ZNF131: variants seen among roughly 807,000 people sequenced by gnomAD.
ZNF131 encodes zinc finger protein 131.
ZNF131 carries 7 observed loss-of-function variants against 60.0 expected under a neutral mutation model. The ratio of observed to expected loss-of-function variants is 0.12; its 90% CI spans 0.07 to 0.22. ZNF131 has a LOEUF of 0.22. ZNF131 is among the 10% of genes least tolerant of loss of function. The pLI is 1.00. For missense variants in ZNF131, 493 were observed against 740.9 expected (o/e 0.67, Z 3.88); for synonymous variants, 257 against 253.2 (o/e 1.01, Z -0.14).
At chr5:43,174,410 A>G (rs778948132) in intron 6 of ZNF131, 37 bp from the exon 7 acceptor site, 8 of 1,478,350 alleles carry the variant, frequency 5.4e-6, no homozygotes, top group African/African-American at 2.8e-5. Flanking sequence ...CAGTTTGGAT[A>G]TAAGTATTGT....
Position 43,155,195 on chromosome 5 carries a change from C to G in ZNF131, c.372-6054C>G, listed in dbSNP as rs928191385. Among the ~76,000 whole-genome samples the G allele has an allele frequency of 2.0e-5, 3 of 152,218 alleles. No homozygotes were observed. In the South Asian group the frequency reaches 6.2e-4, roughly 32 times the overall value. ...TACTTTTTCATGATGGCTGAGGGGG[C>G]CCACTACTTTCTTAAGTATACCATT... On this transcript the variant is annotated intron_variant, in intron 4 of 6. Coordinates refer to ENST00000682664, the MANE Select transcript of ZNF131 (RefSeq NM_001330707.2).
intron 4 of ZNF131, among the ~76,000 whole-genome samples, chr5:43,147,733 TAAA>T (rs1206761067): frequency 1.5e-5 from 2 of 135,412 alleles, no homozygotes; most frequent in African/African-American, 2.7e-5. Flanking sequence ...TTTGGAAGTT[TAAA>T]AAAAAAAAAA....
intron 4 of ZNF131, among the ~76,000 whole-genome samples, chr5:43,159,912 C>T (rs572913927): frequency 2.4e-4 from 37 of 151,846 alleles, no homozygotes; most frequent in South Asian, 1.5e-3. Flanking sequence ...CGGTGGCCCA[C>T]GCCTGTAATC....
intron 3 of ZNF131, among the ~76,000 whole-genome samples, chr5:43,134,308 G>C (rs1745736615): frequency 6.6e-6 from 1 of 152,022 alleles, no homozygotes; most frequent in Non-Finnish European, 1.5e-5. Flanking sequence ...AAAAAGCCTT[G>C]GACAAAATTT....
At position 43,176,086 on chromosome 5, in the gene ZNF131, T is replaced by G. The variant is rs1273050055; in HGVS notation, c.*953T>G. 6.6e-6 allele frequency: 1 copy of G among 152,250 alleles called. No individual in the cohort carries two copies. Among genetic ancestry groups the G allele is most frequent in the African/African-American group, 2.4e-5 (1 of 41,456 alleles). 9.4% of individuals were successfully genotyped at this position (152,250 alleles called of 1,614,324 possible). The stretch of plus-strand genomic sequence containing the variant: ...AAAGACATGTATATAATTATCAGGC[T>G]TTGTTTTGAATGGAATCTTTTCCCC... On this transcript the variant is annotated 3_prime_UTR_variant, in exon 7 of 7. Transcript: ENST00000682664.
At chr5:43,140,858 C>CGT (rs1248345447) in intron 4 of ZNF131, among the ~76,000 whole-genome samples, 1 of 152,134 alleles carries the variant, frequency 6.6e-6, no homozygotes. Flanking sequence ...GCTGGGATTA[C>CGT]AGGTGCCTGC....
chr5:43,149,692 G>A (rs1748062004), intron 4 of ZNF131, among the ~76,000 whole-genome samples: 1 of 152,154 alleles, frequency 6.6e-6, no homozygotes, highest in Non-Finnish European at 1.5e-5. Flanking sequence ...ACAGCCTTGT[G>A]AATACTTGAT....
chr5:43,162,363 A>T (rs1432715449), intron 5 of ZNF131, among the ~76,000 whole-genome samples: 1 of 141,798 alleles, frequency 7.1e-6, no homozygotes. Flanking sequence ...AGGCCGAGGC[A>T]GGCGGATCAC....
At chr5:43,132,345 G>A (rs557076) in intron 3 of ZNF131, among the ~76,000 whole-genome samples, 46,266 of 151,796 alleles carry the variant, frequency 0.3, 7,590 homozygotes, top group East Asian at 0.63. Context: ...GTGTAACTTG[G>A]TCTTTTTATA....
chr5:43,139,937 C>T (rs1344135799), intron 4 of ZNF131, among the ~76,000 whole-genome samples: 1 of 152,120 alleles, frequency 6.6e-6, no homozygotes, highest in Admixed American at 6.6e-5. Context: ...AACATTAGGC[C>T]AGGCCCAGTG....
At chr5:43,168,800 G>A (rs1750647915) in intron 5 of ZNF131, among the ~76,000 whole-genome samples, 1 of 152,160 alleles carries the variant, frequency 6.6e-6, no homozygotes, top group Non-Finnish European at 1.5e-5. Flanking sequence ...GCGGAAAAGA[G>A]AGATTTGAGT....
At chr5:43,131,738 G>A (rs1745378937) in intron 3 of ZNF131, among the ~76,000 whole-genome samples, 1 of 151,722 alleles carries the variant, frequency 6.6e-6, no homozygotes, top group Non-Finnish European at 1.5e-5. Flanking sequence ...GATGTAAATT[G>A]GAACAATAAG....
At position 43,175,392 on chromosome 5, in the gene ZNF131, TATAGTTGGGTACGAA is replaced by T. The variant is rs1250525921; in HGVS notation, c.*260_*274del. 1.4e-6 allele frequency: 1 copy of T among 690,296 alleles called. No homozygotes were observed. The highest frequency in any genetic ancestry group is 1.8e-5 in the African/African-American group (1 of 56,314). 42.8% of individuals were successfully genotyped at this position (690,296 alleles called of 1,614,324 possible). A position where few individuals can be genotyped will look rare whatever the true frequency, so the allele number is the denominator to read the frequency against. ...ACTTAAATGGATTATATTCTTATTA[TATAGTTGGGTACGAA>T]TGTATCTATTTTCATTGTGGTAAAA... is the stretch of plus-strand genomic sequence containing the variant. On this transcript the variant is annotated 3_prime_UTR_variant, in exon 7 of 7. Coordinates refer to ENST00000682664, the MANE Select transcript of ZNF131 (RefSeq NM_001330707.2).
chr5:43,174,201 C>A (rs1362456041), intron 6 of ZNF131, among the ~76,000 whole-genome samples: 1 of 152,218 alleles, frequency 6.6e-6, no homozygotes, highest in Non-Finnish European at 1.5e-5. Flanking sequence ...GCACTCCAGC[C>A]TGGGCAACAA....
chr5:43,169,201 G>A (rs1327112695), intron 5 of ZNF131, among the ~76,000 whole-genome samples: 1 of 152,184 alleles, frequency 6.6e-6, no homozygotes, highest in Admixed American at 6.5e-5. Flanking sequence ...TTTCTTGTCT[G>A]TGTAAATAAG....
intron 4 of ZNF131, among the ~76,000 whole-genome samples, chr5:43,151,098 C>T (rs188330823): frequency 5.3e-5 from 8 of 151,970 alleles, no homozygotes; most frequent in Non-Finnish European, 7.4e-5. Context: ...AGGATGTCTA[C>T]TAGGGCAAGT....
At chr5:43,137,991 CTATTTA>C (rs1746341744) in intron 3 of ZNF131, among the ~76,000 whole-genome samples, 1 of 152,114 alleles carries the variant, frequency 6.6e-6, no homozygotes, top group Non-Finnish European at 1.5e-5. Context: ...CTGCATATTT[CTATTTA>C]TATGAGGAAT....
chr5:43,140,071 C>T (rs1264322129), intron 4 of ZNF131, among the ~76,000 whole-genome samples: 2 of 152,018 alleles, frequency 1.3e-5, no homozygotes, highest in Non-Finnish European at 2.9e-5. Flanking sequence ...CAAAAATTAG[C>T]TGGGCATGGT....
At chr5:43,121,879 C>T (rs1452665497) in intron 1 of ZNF131, 160 bp from the exon 2 acceptor site, 2 of 763,226 alleles carry the variant, frequency 2.6e-6, no homozygotes, top group Non-Finnish European at 3.9e-6. Context: ...GCTCCGGGGC[C>T]GCTCGGCTCG....
Sources: gnomAD v4.1 joint callset for allele counts (sites outside exome capture counted in the v4.1 genomes callset) on GRCh38, gnomAD v4.1.1 for gene constraint, MANE v1.5 for transcripts, NCBI Gene and HGNC (gene_info 2026-07-23, HGNC 2026-07-21) for gene names.